RGS17: variants seen among roughly 807,000 people sequenced by gnomAD.
RGS17 encodes the protein regulator of G-protein signaling 17.
RGS17 carries 12 observed loss-of-function variants against 25.5 expected under a neutral mutation model. That is an observed-to-expected ratio of 0.47 (90% confidence interval 0.30 to 0.76). The LOEUF (loss-of-function observed/expected upper bound fraction) is 0.76. Ranked by LOEUF, RGS17 falls within the 30% of genes least tolerant of loss-of-function variation. The pLI, the probability that RGS17 is intolerant of heterozygous loss-of-function variation, is 0.07. For missense variants in RGS17, 196 were observed against 242.2 expected (o/e 0.81, Z 1.27); for synonymous variants, 71 against 76.9 (o/e 0.92, Z 0.40).
chr6:153,108,326 C>CA (rs1441640185), intron 1 of RGS17, among the ~76,000 whole-genome samples: 1 of 152,148 alleles, frequency 6.6e-6, no homozygotes, highest in Non-Finnish European at 1.5e-5. Flanking sequence ...TGGTATATCT[C>CA]AAAATTCTTC....
At chr6:153,115,311 T>C (rs1469636585) in intron 1 of RGS17, among the ~76,000 whole-genome samples, 1 of 152,178 alleles carries the variant, frequency 6.6e-6, no homozygotes, top group East Asian at 1.9e-4. Flanking sequence ...AGCCAAATCA[T>C]GAGTGTACTC....
chr6:153,108,819 T>C (rs1395352037), intron 1 of RGS17, among the ~76,000 whole-genome samples: 4 of 151,520 alleles, frequency 2.6e-5, no homozygotes, highest in Non-Finnish European at 5.9e-5. Flanking sequence ...ATGTGTGTGT[T>C]TGCGTGTAGA....
At chr6:153,121,857 A>AT (rs1198129523) in intron 1 of RGS17, among the ~76,000 whole-genome samples, 1 of 152,076 alleles carries the variant, frequency 6.6e-6, no homozygotes, top group Non-Finnish European at 1.5e-5. Flanking sequence ...AGGGCTTCAC[A>AT]TTTTTTCCTT....
rs1776869287 is a variant in RGS17 at position 153,075,816 on chromosome 6, A to G, written c.-25-31773T>C. 3.3e-5 allele frequency among the ~76,000 whole-genome samples: 5 copies of G among 152,352 alleles called. No individual in the cohort carries two copies. In the South Asian group the frequency reaches 1.0e-3, roughly 32 times the overall value. On this transcript the variant is annotated intron_variant, in intron 1 of 4. Coordinates refer to ENST00000206262, the MANE Select transcript of RGS17 (RefSeq NM_012419.5). The stretch of plus-strand genomic sequence containing the variant: ...GTATTCATTTGTGTATGTGTATAAA[A>G]AAGAAAAGTTTTTGTGTGTGTATAC...
At chr6:153,097,290 A>AT (rs3083488) in intron 1 of RGS17, among the ~76,000 whole-genome samples, 11,825 of 88,204 alleles carry the variant, frequency 0.13, 1,671 homozygotes, top group Non-Finnish European at 0.15. Flanking sequence ...CGTTTTTTTG[A>AT]TTTTTTTTTT....
At chr6:153,054,041 ATGT>A (rs1776511662) in intron 1 of RGS17, among the ~76,000 whole-genome samples, 2 of 70,484 alleles carry the variant, frequency 2.8e-5, no homozygotes, top group East Asian at 4.9e-4. Flanking sequence ...ATACATATAT[ATGT>A]ATATATGTAT....
At chr6:153,044,450 A>C (rs1776363543) in intron 1 of RGS17, among the ~76,000 whole-genome samples, 1 of 152,160 alleles carries the variant, frequency 6.6e-6, no homozygotes, top group African/African-American at 2.4e-5. Flanking sequence ...CAGTAAGGTA[A>C]ATTGAGCTTT....
rs55655703 is a variant in RGS17, at chr6:153,070,673, TTGTGTGTG to T, written c.-25-26638_-25-26631del. Among the ~76,000 whole-genome samples the T allele has an allele frequency of 4.8e-4, 70 of 145,034 alleles. 1 individual carries two copies. Among genetic ancestry groups the T allele is most frequent in the African/African-American group, 1.1e-3 (42 of 38,882 alleles). ...CCATCCCTCAGTACCACATGGAAGA[TTGTGTGTG>T]TGTGTGTGTGTGTGTGTGTGTATAT... On this transcript the variant is annotated intron_variant, in intron 1 of 4. Transcript: ENST00000206262.
intron 2 of RGS17, among the ~76,000 whole-genome samples, chr6:153,043,454 T>C (rs542364155): frequency 6.7e-6 from 1 of 149,784 alleles, no homozygotes. Flanking sequence ...TACAGCTGAA[T>C]GCTCAACACC....
intron 4 of RGS17, among the ~76,000 whole-genome samples, chr6:153,015,830 T>A (rs1294522722): frequency 6.6e-6 from 1 of 152,106 alleles, no homozygotes; most frequent in Non-Finnish European, 1.5e-5. Flanking sequence ...ATTTTTTGTA[T>A]TTTTAGTAGA....
chr6:153,016,215 A>G (rs1398186839), intron 4 of RGS17, among the ~76,000 whole-genome samples: 3 of 152,260 alleles, frequency 2.0e-5, no homozygotes, highest in Non-Finnish European at 4.4e-5. Flanking sequence ...TAAAAAGCAC[A>G]GAATATTTTT....
chr6:153,037,260 G>C (rs1584128215), intron 2 of RGS17, among the ~76,000 whole-genome samples: 1 of 151,628 alleles, frequency 6.6e-6, no homozygotes, highest in Non-Finnish European at 1.5e-5. Flanking sequence ...AAAAAATCTG[G>C]TGGCCTGGGA....
At chr6:153,057,907 A>C (rs921848692) in intron 1 of RGS17, among the ~76,000 whole-genome samples, 2 of 152,180 alleles carry the variant, frequency 1.3e-5, no homozygotes, top group Non-Finnish European at 2.9e-5. Context: ...GACGGGAGGC[A>C]GAGCTCAGGT....
chr6:153,122,916 C>A (rs1157809450), intron 1 of RGS17, among the ~76,000 whole-genome samples: 1 of 77,018 alleles, frequency 1.3e-5, no homozygotes, highest in Non-Finnish European at 2.6e-5. Flanking sequence ...TATTCCAATT[C>A]ACAATGAAGC....
At position 153,041,084 on chromosome 6, in the gene RGS17, G is replaced by A. The variant is rs145494486; in HGVS notation, c.119+2816C>T. ...GGAGGCTGAGGAGGGAGGATCACTT[G>A]AGCCCAGGAGTTGGAGCTTACAGTG... On this transcript the variant is annotated intron_variant, in intron 2 of 4. Coordinates refer to ENST00000206262, the MANE Select transcript of RGS17 (RefSeq NM_012419.5). 1.2e-3 allele frequency among the ~76,000 whole-genome samples: 182 copies of A among 152,004 alleles called. 1 individual carries two copies. Among genetic ancestry groups the A allele is most frequent in the African/African-American group, 4.2e-3 (174 of 41,440 alleles).
chr6:153,037,627 T>C (rs940472585), intron 2 of RGS17, among the ~76,000 whole-genome samples: 3 of 151,950 alleles, frequency 2.0e-5, no homozygotes, highest in Non-Finnish European at 2.9e-5. Context: ...GGTTTCACCA[T>C]GTTGGTCAGG....
intron 1 of RGS17, among the ~76,000 whole-genome samples, chr6:153,122,981 A>AC (rs71017582): frequency 6.0e-5 from 9 of 150,452 alleles, no homozygotes; most frequent in South Asian, 4.2e-4. Flanking sequence ...TCCAATGTAC[A>AC]TTGGAGTACA....
In RGS17 at chr6:153,062,574, T is replaced by G. The variant is rs537543639; in HGVS notation, c.-25-18531A>C. 1.1e-4 allele frequency among the ~76,000 whole-genome samples: 17 copies of G among 152,138 alleles called. No homozygotes were observed. The East Asian group carries it at 3.3e-3, about 30-fold the overall frequency. On this transcript the variant is annotated intron_variant, in intron 1 of 4. Transcript: ENST00000206262. ...AGTCTAAGCTACAAGGACTACAACT[T>G]TTACAGGAGTCCTAGTGCTGAATTG...
At chr6:153,069,746 G>GTGTGTGTGTGTGTT (rs879587487) in intron 1 of RGS17, among the ~76,000 whole-genome samples, 135 of 146,926 alleles carry the variant, frequency 9.2e-4, no homozygotes, top group Middle Eastern at 3.4e-3. Flanking sequence ...CCTCGTGTGT[G>GTGTGTGTGTGTGTT]TGTGTGTGTG....
Sources: allele counts gnomAD v4.1 joint callset (sites outside exome capture counted in the v4.1 genomes callset), GRCh38; gene constraint gnomAD v4.1.1; transcripts MANE v1.5; gene names NCBI Gene and HGNC (gene_info 2026-07-23, HGNC 2026-07-21).